CFDP1: variants seen among roughly 807,000 people sequenced by gnomAD.
CFDP1 encodes the protein heterochromatin-stabilizing protein CFDP1.
A neutral mutation model predicts 40.1 loss-of-function variants in CFDP1; 31 were observed. That is an observed-to-expected ratio of 0.77 (90% CI 0.58 to 1.04). CFDP1 has a LOEUF of 1.04. Among genes scored for constraint, CFDP1 ranks in the 50% least tolerant of loss-of-function variants. The probability of loss-of-function intolerance (pLI) is 0.00; values close to 1 mark genes in which losing one functional copy is unlikely to be tolerated. For synonymous variants in CFDP1, 167 were observed against 120.0 expected (o/e 1.39, Z -2.56); for missense variants, 423 against 343.4 (o/e 1.23, Z -1.83).
intron 1 of CFDP1, among the ~76,000 whole-genome samples, chr16:75,431,155 A>G (rs1183906216): frequency 1.3e-5 from 2 of 149,152 alleles, no homozygotes; most frequent in Admixed American, 1.3e-4. Context: ...CTGTCATTAG[A>G]AAAAAAAAAC....
At chr16:75,375,007 G>C (rs988453631) in intron 5 of CFDP1, among the ~76,000 whole-genome samples, 1 of 151,424 alleles carries the variant, frequency 6.6e-6, no homozygotes. Context: ...CTATATCTCT[G>C]TGTTGCTTGA....
At chr16:75,315,272 C>T (rs1426279333) in intron 5 of CFDP1, among the ~76,000 whole-genome samples, 1 of 128,380 alleles carries the variant, frequency 7.8e-6, no homozygotes, top group Non-Finnish European at 1.6e-5. Context: ...GCGGAGGTTG[C>T]CGTGAGCAGA....
chr16:75,311,134 T>C (rs78438982), intron 5 of CFDP1, among the ~76,000 whole-genome samples: 3,360 of 152,244 alleles, frequency 0.022, 70 homozygotes, highest in African/African-American at 0.054. Flanking sequence ...ATTTTATAGA[T>C]CAGTCAACTA....
intron 5 of CFDP1, among the ~76,000 whole-genome samples, chr16:75,374,994 CT>C (rs1258215264): frequency 2.6e-5 from 4 of 151,722 alleles, no homozygotes; most frequent in Non-Finnish European, 5.9e-5. Context: ...TTCATTTTGT[CT>C]TCTATATCTC....
intron 5 of CFDP1, among the ~76,000 whole-genome samples, chr16:75,342,670 G>C (rs574426880): frequency 6.6e-6 from 1 of 152,246 alleles, no homozygotes; most frequent in Non-Finnish European, 1.5e-5. Context: ...CTCTTACTTG[G>C]GGGAAGAAGA....
intron 4 of CFDP1, chr16:75,406,503 T>A (rs1364593404): frequency 6.7e-6 from 1 of 149,666 alleles, no homozygotes; most frequent in African/African-American, 2.5e-5. Context: ...AAGTTCAATA[T>A]CAGCCCAGCC....
At chr16:75,347,678 C>CAAA (rs1030599735) in intron 5 of CFDP1, among the ~76,000 whole-genome samples, 1 of 148,870 alleles carries the variant, frequency 6.7e-6, no homozygotes, top group African/African-American at 2.5e-5. Context: ...GACTCCGTCT[C>CAAA]AAAAAAAAAG....
At chr16:75,396,775 A>G (rs3094015) in intron 4 of CFDP1, among the ~76,000 whole-genome samples, 136,785 of 148,022 alleles carry the variant, frequency 0.92, 63,247 homozygotes, top group East Asian at 1. Context: ...AAAGAGAGAA[A>G]GAGAAATGTT....
chr16:75,406,223 C>T (rs1446847340), intron 4 of CFDP1, among the ~76,000 whole-genome samples: 1 of 151,620 alleles, frequency 6.6e-6, no homozygotes, highest in African/African-American at 2.4e-5. Flanking sequence ...AAAATAAAAA[C>T]GAATTAGCTA....
intron 5 of CFDP1, among the ~76,000 whole-genome samples, chr16:75,309,278 T>C (rs2078277729): frequency 6.6e-6 from 1 of 152,170 alleles, no homozygotes; most frequent in Non-Finnish European, 1.5e-5. Flanking sequence ...CCTTGCCGCT[T>C]TCTCTGCCAC....
At chr16:75,332,839 G>A (rs999936349) in intron 5 of CFDP1, among the ~76,000 whole-genome samples, 10 of 126,962 alleles carry the variant, frequency 7.9e-5, no homozygotes, top group Non-Finnish European at 1.1e-4. Context: ...ACAGAGTCTC[G>A]TTCTGTCACC....
intron 1 of CFDP1, among the ~76,000 whole-genome samples, chr16:75,420,164 T>A (rs1165534549): frequency 6.7e-6 from 1 of 150,248 alleles, no homozygotes; most frequent in East Asian, 1.9e-4. Flanking sequence ...TTTTAACCAT[T>A]AAGTATACTG....
chr16:75,429,027 G>A (rs1251585193), intron 1 of CFDP1, among the ~76,000 whole-genome samples: 11 of 147,584 alleles, frequency 7.5e-5, no homozygotes, highest in Admixed American at 6.9e-4. Flanking sequence ...TGAGGTGGGA[G>A]AGTTGCTTAA....
At chr16:75,369,504 T>C (rs567536641) in intron 5 of CFDP1, among the ~76,000 whole-genome samples, 50 of 152,344 alleles carry the variant, frequency 3.3e-4, no homozygotes, top group Non-Finnish European at 6.5e-4. Flanking sequence ...TTTAGACACA[T>C]GGCTTCGCAG....
rs1340834560 is a variant in CFDP1 at position 75,316,992 on chromosome 16, TAATA to T, written c.651-11814_651-11811del. 5.9e-5 allele frequency among the ~76,000 whole-genome samples: 9 copies of T among 151,848 alleles called. No individual in the cohort carries two copies. In the South Asian group the frequency reaches 6.2e-4, roughly 11 times the overall value. On this transcript the variant is annotated intron_variant, in intron 5 of 6. Transcript: ENST00000283882. Reference sequence around the variant, plus strand: ...GTGAAAACTCCGTCTCAAAAAAAGATAATAAATAAATAAATAAAAATAAAAATAA... The same window carrying T: ...GTGAAAACTCCGTCTCAAAAAAAGATAATAAATAAATAAAAATAAAAATAA...
intron 5 of CFDP1, among the ~76,000 whole-genome samples, chr16:75,350,627 A>AT (rs1221550920): frequency 6.6e-6 from 1 of 152,214 alleles, no homozygotes; most frequent in Non-Finnish European, 1.5e-5. Context: ...ACAAAAACAT[A>AT]TAAGCATAAG....
intron 5 of CFDP1, among the ~76,000 whole-genome samples, chr16:75,364,887 C>A (rs1597356655): frequency 2.6e-5 from 1 of 37,804 alleles, no homozygotes; most frequent in South Asian, 9.1e-4. Context: ...AGTTTGAGAA[C>A]CACTAAACAT....
At chr16:75,393,511 C>A (rs974931276) in intron 5 of CFDP1, among the ~76,000 whole-genome samples, 1 of 151,580 alleles carries the variant, frequency 6.6e-6, no homozygotes, top group African/African-American at 2.4e-5. Context: ...GGGGGTGGAT[C>A]ATGAGGTCAG....
intron 5 of CFDP1, among the ~76,000 whole-genome samples, chr16:75,318,440 C>G (rs2151508202): frequency 7.0e-6 from 1 of 143,468 alleles, no homozygotes; most frequent in Admixed American, 7.3e-5. Context: ...AAGTCTCACT[C>G]TGTCGCCCAG....
Sources: gnomAD v4.1 joint callset for allele counts (sites outside exome capture counted in the v4.1 genomes callset) on GRCh38, gnomAD v4.1.1 for gene constraint, MANE v1.5 for transcripts, NCBI Gene and HGNC (gene_info 2026-07-23, HGNC 2026-07-21) for gene names.